Variants in ABCA13 observed in about 807,000 individuals in gnomAD.
ABCA13 encodes the protein ATP-binding cassette sub-family A member 13.
ABCA13 carries 476 observed loss-of-function variants against 478.7 expected under a neutral mutation model. The ratio of observed to expected loss-of-function variants is 0.99; its 90% confidence interval spans 0.92 to 1.07. ABCA13 has a LOEUF of 1.07. Ranked by LOEUF, ABCA13 falls within the 50% of genes least tolerant of loss-of-function variation. The pLI, the probability that ABCA13 is intolerant of heterozygous loss-of-function variation, is 0.00. For missense variants in ABCA13, 6,060 were observed against 5,910.6 expected (o/e 1.03, Z -0.83); for synonymous variants, 2,252 against 2,158.9 (o/e 1.04, Z -1.20).
intron 56 of ABCA13, among the ~76,000 whole-genome samples, chr7:48,582,916 T>C (rs981171312): frequency 2.0e-5 from 3 of 152,184 alleles, no homozygotes; most frequent in Non-Finnish European, 4.4e-5. Flanking sequence ...AAGCATGTTA[T>C]ATTAAGTTAT....
chr7:48,635,458 C>G (rs1181655502), intron 59 of ABCA13, among the ~76,000 whole-genome samples: 6 of 152,160 alleles, frequency 3.9e-5, no homozygotes, highest in Non-Finnish European at 8.8e-5. Flanking sequence ...CAGCTTGCTT[C>G]TCCCATGTGG....
intron 1 of ABCA13, among the ~76,000 whole-genome samples, chr7:48,178,441 G>A (rs530627662): frequency 1.1e-4 from 16 of 152,048 alleles, no homozygotes; most frequent in Non-Finnish European, 2.1e-4. Context: ...TTGGGAAGCC[G>A]AGGAGGGCGG....
intron 29 of ABCA13, among the ~76,000 whole-genome samples, chr7:48,341,534 G>T (rs148649804): frequency 7.6e-4 from 116 of 152,096 alleles, no homozygotes; most frequent in African/African-American, 2.6e-3. Context: ...ACATCTGAAT[G>T]ATATGTGGAA....
chr7:48,210,776 G>T (rs1016188413), intron 3 of ABCA13, among the ~76,000 whole-genome samples: 3 of 151,928 alleles, frequency 2.0e-5, no homozygotes, highest in African/African-American at 7.3e-5. Context: ...ATATCCTTGA[G>T]AGTGTTCCAT....
At chr7:48,616,264 A>C (rs1260945409) in intron 59 of ABCA13, among the ~76,000 whole-genome samples, 5 of 152,168 alleles carry the variant, frequency 3.3e-5, no homozygotes, top group Non-Finnish European at 5.9e-5. Flanking sequence ...GTGAGTGTCC[A>C]TTTTTAGAGT....
intron 38 of ABCA13, among the ~76,000 whole-genome samples, chr7:48,394,795 A>T (rs905741880): frequency 1.2e-4 from 18 of 152,208 alleles, no homozygotes; most frequent in Admixed American, 1.1e-3. Flanking sequence ...CCATCGCTTG[A>T]GCAGTATATA....
intron 15 of ABCA13, among the ~76,000 whole-genome samples, chr7:48,267,081 G>A (rs993436433): frequency 1.4e-4 from 22 of 151,932 alleles, no homozygotes; most frequent in Non-Finnish European, 7.4e-5. Flanking sequence ...ATTGGGACTT[G>A]CTTTATGGTC....
chr7:48,221,499 A>G (rs1275701239), intron 5 of ABCA13, among the ~76,000 whole-genome samples, 190 bp downstream of exon 5: 1 of 152,232 alleles, frequency 6.6e-6, no homozygotes, highest in African/African-American at 2.4e-5. Context: ...AATTTTCTGA[A>G]GCAAGGCTCT....
chr7:48,418,492 G>A (rs986782009), intron 41 of ABCA13, among the ~76,000 whole-genome samples: 2 of 152,164 alleles, frequency 1.3e-5, no homozygotes, highest in African/African-American at 4.8e-5. Flanking sequence ...ATTCTTTAAT[G>A]AGGTGTCTGT....
At chr7:48,507,754 G>T in intron 49 of ABCA13, 118 bp from the exon 50 acceptor site, 1 of 1,219,790 alleles carries the variant, frequency 8.2e-7, no homozygotes, top group East Asian at 2.6e-5. Context: ...AACATGCCTG[G>T]CTGATTATGA....
intron 23 of ABCA13, among the ~76,000 whole-genome samples, chr7:48,305,294 GT>G (rs1312241932): frequency 1.3e-5 from 2 of 152,206 alleles, no homozygotes; most frequent in African/African-American, 4.8e-5. Flanking sequence ...TTGCCACAGT[GT>G]GGCTTCAGTC....
chr7:48,260,165 A>G (rs1481787061), intron 15 of ABCA13, among the ~76,000 whole-genome samples: 1 of 152,102 alleles, frequency 6.6e-6, no homozygotes, highest in Non-Finnish European at 1.5e-5. Flanking sequence ...TAGAGCAGTC[A>G]TGTGGAGGAA....
chr7:48,331,760 G>A lies in ABCA13; in HGVS notation c.10000-3662G>A, dbSNP rs571839440. Among the ~76,000 whole-genome samples the A allele has an allele frequency of 3.9e-5, 6 of 152,160 alleles. No homozygotes were observed. In the South Asian group the frequency reaches 6.2e-4, roughly 16 times the overall value. On this transcript the variant is annotated intron_variant, in intron 27 of 61. Coordinates refer to ENST00000435803, the MANE Select transcript of ABCA13 (RefSeq NM_152701.5). Reference sequence around the variant, plus strand: ...ATTTCCCATTTTACTGTGTGTGTGCGTGTGTGTATTTAGTTTTATGCAGGC... The same window carrying A: ...ATTTCCCATTTTACTGTGTGTGTGCATGTGTGTATTTAGTTTTATGCAGGC...
chr7:48,379,667 A>G (rs1814045356), intron 35 of ABCA13, among the ~76,000 whole-genome samples: 2 of 152,226 alleles, frequency 1.3e-5, no homozygotes, highest in South Asian at 2.1e-4. Flanking sequence ...AGAGAAATGT[A>G]GATACTAGAA....
At position 48,387,975 on chromosome 7, in the gene ABCA13, A is replaced by C; in HGVS notation, c.11473+16A>C. The C allele has an allele frequency of 1.3e-6, 2 of 1,591,198 alleles. No homozygotes were observed. Among genetic ancestry groups the C allele is most frequent in the Non-Finnish European group, 8.5e-7 (1 of 1,172,956 alleles). On this transcript the variant is annotated intron_variant, in intron 36 of 61. Coordinates refer to ENST00000435803, the MANE Select transcript of ABCA13 (RefSeq NM_152701.5). ...GACAATAAAGGTTTGTAAGGAGTAG[A>C]ATTATTAGATGCATGTATTTTTCCT...
intron 59 of ABCA13, among the ~76,000 whole-genome samples, chr7:48,637,561 A>G (rs1335210686): frequency 6.6e-6 from 1 of 152,030 alleles, no homozygotes; most frequent in Non-Finnish European, 1.5e-5. Flanking sequence ...ATGAAGGGAA[A>G]TGTTCAGAGA....
At chr7:48,584,806 T>A (rs1420252256) in intron 56 of ABCA13, among the ~76,000 whole-genome samples, 1 of 152,248 alleles carries the variant, frequency 6.6e-6, no homozygotes, top group Non-Finnish European at 1.5e-5. Flanking sequence ...CTTTTATTTC[T>A]ACCAATCAGC....
intron 24 of ABCA13, among the ~76,000 whole-genome samples, chr7:48,310,930 G>A (rs1801686464): frequency 6.6e-6 from 1 of 152,112 alleles, no homozygotes; most frequent in South Asian, 2.1e-4. Flanking sequence ...TCTACTGTTT[G>A]AATCTTTACT....
Position 48,225,843 on chromosome 7 carries a change from T to C in ABCA13, c.469-1419T>C, listed in dbSNP as rs376994344. Among the ~76,000 whole-genome samples, 5 of 152,290 alleles carry C rather than the reference T, an allele frequency of 3.3e-5. No individual in the cohort carries two copies. The East Asian group carries it at 5.8e-4, about 18-fold the overall frequency. ...TTGAGGGGTGGGAGAGCAGGAGGGCTGAGCTCAGCCTGAGGACTGAAGCAC... is the reference window on the plus strand; with the variant it reads ...TTGAGGGGTGGGAGAGCAGGAGGGCCGAGCTCAGCCTGAGGACTGAAGCAC... On this transcript the variant is annotated intron_variant, in intron 5 of 61. Transcript: ENST00000435803.
Sources: allele counts gnomAD v4.1 joint callset (sites outside exome capture counted in the v4.1 genomes callset), GRCh38; gene constraint gnomAD v4.1.1; transcripts MANE v1.5; gene names NCBI Gene and HGNC (gene_info 2026-07-23, HGNC 2026-07-21).